Variants in AK7 observed in about 807,000 individuals in gnomAD.
AK7 encodes the protein ATP-AMP transphosphorylase 7.
Under a neutral mutation model 96.6 loss-of-function variants are expected in AK7, and 78 were observed. The ratio of observed to expected loss-of-function variants is 0.81; its 90% CI spans 0.67 to 0.97. The LOEUF (loss-of-function observed/expected upper bound fraction) is 0.97, where lower values mean the gene tolerates loss of function less well. Among genes scored for constraint, AK7 ranks in the 50% least tolerant of loss-of-function variants. The pLI, the probability that AK7 is intolerant of heterozygous loss-of-function variation, is 0.00. For missense variants in AK7, 855 were observed against 887.9 expected, an observed-to-expected ratio of 0.96 and a Z score of 0.47; for synonymous variants, 302 against 317.2, an observed-to-expected ratio of 0.95 and a Z score of 0.51.
chr14:96,433,254 C>T (rs1210299846), intron 5 of AK7, among the ~76,000 whole-genome samples: 1 of 152,166 alleles, frequency 6.6e-6, no homozygotes, highest in African/African-American at 2.4e-5. Flanking sequence ...GGATAATATC[C>T]TGAAGAGTGT....
chr14:96,464,544 CAA>C (rs375649324), intron 12 of AK7, among the ~76,000 whole-genome samples: 4 of 57,662 alleles, frequency 6.9e-5, no homozygotes, highest in Middle Eastern at 0.013. Flanking sequence ...GACCCTGTCC[CAA>C]AAAAAAAAAA....
Position 96,486,953 on chromosome 14 carries a change from C to G in AK7, c.2030C>G (p.Ser677Ter), listed in dbSNP as rs191275232. The change falls in exon 17 of 18, where the codon TCA (serine) becomes TGA (stop). Residue 677 changes from serine (S) to a stop codon, truncating the protein, a stop_gained. Transcript: ENST00000267584. LOFTEE classifies it high-confidence loss of function. Reference sequence around the variant, plus strand: ...GAAAGAGAATTACTGGAGGCTCAGTCAATTCCCCTGAGAAACTATTTAATG... The same window carrying G: ...GAAAGAGAATTACTGGAGGCTCAGTGAATTCCCCTGAGAAACTATTTAATG... ...REERELLEAQ[S>*]IPLRNYLMTY... 14 of 1,613,706 alleles carry G rather than the reference C, an allele frequency of 8.7e-6. No individual in the cohort carries two copies. The East Asian group carries it at 2.9e-4, about 33-fold the overall frequency.
chr14:96,438,923 T>C (rs1318993145), intron 6 of AK7, among the ~76,000 whole-genome samples: 3 of 152,134 alleles, frequency 2.0e-5, no homozygotes, highest in African/African-American at 7.2e-5. Flanking sequence ...AAAGCTTGGA[T>C]GTAAGGATGA....
chr14:96,456,212 G>A (rs1201061054), intron 10 of AK7, 135 bp from the exon 11 acceptor site: 5 of 954,760 alleles, frequency 5.2e-6, no homozygotes, highest in South Asian at 1.9e-5. Context: ...ACTACAGCCC[G>A]AGCAACAGAG....
chr14:96,458,504 G>C (rs1296519611), intron 12 of AK7, among the ~76,000 whole-genome samples: 1 of 151,956 alleles, frequency 6.6e-6, no homozygotes, highest in Admixed American at 6.5e-5. Context: ...CACTTTGGGA[G>C]GCCGAGGCGG....
intron 14 of AK7, among the ~76,000 whole-genome samples, chr14:96,474,717 A>C (rs529207330): frequency 6.6e-6 from 1 of 152,330 alleles, no homozygotes; most frequent in East Asian, 1.9e-4. Flanking sequence ...TGTCCAGTGC[A>C]TTTTGTTTAT....
intron 12 of AK7, among the ~76,000 whole-genome samples, chr14:96,465,971 C>T (rs1894540540): frequency 6.9e-6 from 1 of 144,592 alleles, no homozygotes; most frequent in African/African-American, 2.6e-5. Context: ...GATCATGCCA[C>T]TGCACTCCAG....
intron 4 of AK7, among the ~76,000 whole-genome samples, chr14:96,419,818 T>C (rs1416320079): frequency 5.0e-4 from 73 of 145,376 alleles, no homozygotes; most frequent in African/African-American, 1.9e-3. Context: ...GACAAAGTCT[T>C]GGTCTTCTCC....
intron 7 of AK7, among the ~76,000 whole-genome samples, chr14:96,443,531 A>T (rs1893067650): frequency 6.6e-6 from 1 of 152,180 alleles, no homozygotes. Context: ...AATCTCAGAT[A>T]AATTTCTAGA....
chr14:96,472,606 T>G (rs1053754511), intron 13 of AK7, 81 bp from the exon 14 acceptor site: 2 of 1,083,706 alleles, frequency 1.8e-6, no homozygotes, highest in Non-Finnish European at 2.8e-6. Flanking sequence ...TGCTTGCTAC[T>G]TAAGATATTT....
chr14:96,423,842 C>T, intron 5 of AK7: 1 of 808,948 alleles, frequency 1.2e-6, no homozygotes, highest in East Asian at 2.5e-5. Flanking sequence ...GGAGCGGTTG[C>T]TGAGGATGGG....
chr14:96,432,202 C>CT (rs71103525), intron 5 of AK7, among the ~76,000 whole-genome samples: 26,551 of 101,194 alleles, frequency 0.26, 4,143 homozygotes, highest in Non-Finnish European at 0.33. Flanking sequence ...GCAACCCCTG[C>CT]TTTTTTTTTT....
At chr14:96,459,419 C>T (rs901542310) in intron 12 of AK7, among the ~76,000 whole-genome samples, 5 of 151,974 alleles carry the variant, frequency 3.3e-5, no homozygotes, top group African/African-American at 7.3e-5. Context: ...GCCAAGATCA[C>T]AGCACTGCAC....
In AK7 at chr14:96,408,902, GA is replaced by G; in HGVS notation, c.460del (p.Thr154ArgfsTer2). 6.2e-7 allele frequency: 1 copy of G among 1,614,188 alleles called. No individual in the cohort carries two copies. Among genetic ancestry groups the G allele is most frequent in the Non-Finnish European group, 8.5e-7 (1 of 1,180,032 alleles). ...EKRKLFILLS[T>X]VMTWARSKAL... ...AGCGAAAGCTATTTATTTTACTGTC[GA>G]CGGTGATGACTTGGGCGCGCTCCAA... is the stretch of plus-strand genomic sequence containing the variant. On this transcript the variant is annotated frameshift_variant, in exon 4 of 18. Coordinates refer to ENST00000267584, the MANE Select transcript of AK7 (RefSeq NM_152327.5). LOFTEE classifies it high-confidence loss of function.
At chr14:96,456,625 G>A in intron 11 of AK7, 150 bp downstream of exon 11, 1 of 840,450 alleles carries the variant, frequency 1.2e-6, no homozygotes, top group Non-Finnish European at 1.8e-6. Flanking sequence ...CTAATCAGTA[G>A]CCAGGGGAAC....
chr14:96,456,879 GC>G, intron 11 of AK7: 1 of 191,700 alleles, frequency 5.2e-6, no homozygotes. Context: ...TGTCTGGGCT[GC>G]CCCCGGAGCC....
intron 1 of AK7, among the ~76,000 whole-genome samples, chr14:96,393,611 C>T (rs965565210): frequency 2.0e-5 from 3 of 152,300 alleles, no homozygotes; most frequent in Admixed American, 2.0e-4. Flanking sequence ...GTTCTCTCCC[C>T]TGTGTCTCTG....
intron 5 of AK7, chr14:96,424,074 G>C (rs1250152295): frequency 1.4e-6 from 1 of 711,404 alleles, no homozygotes; most frequent in Non-Finnish European, 2.6e-6. Context: ...TGGTGGGTCT[G>C]TTCTTCACCT....
At chr14:96,396,204 G>A (rs1890075447) in intron 1 of AK7, among the ~76,000 whole-genome samples, 1 of 152,164 alleles carries the variant, frequency 6.6e-6, no homozygotes, top group South Asian at 2.1e-4. Context: ...ACCACGCTCT[G>A]TCCAGAGATC....
Sources: gnomAD v4.1 joint callset for allele counts (sites outside exome capture counted in the v4.1 genomes callset) on GRCh38, gnomAD v4.1.1 for gene constraint, MANE v1.5 for transcripts, NCBI Gene and HGNC (gene_info 2026-07-23, HGNC 2026-07-21) for gene names.